The following BLM variants were observed in gnomAD, a reference collection of about 807,000 sequenced individuals.
The protein encoded by BLM is recQ-like DNA helicase BLM.
A neutral mutation model predicts 135.3 loss-of-function variants in BLM; 95 were observed. That is an observed-to-expected ratio of 0.70 (90% CI 0.59 to 0.83). The LOEUF (loss-of-function observed/expected upper bound fraction) is 0.83. Among genes scored for constraint, BLM ranks in the 40% least tolerant of loss-of-function variants. BLM has a pLI of 0.00. For missense variants in BLM, 1,518 were observed against 1,663.9 expected, an observed-to-expected ratio of 0.91 and a Z score of 1.53; for synonymous variants, 520 against 589.2, an observed-to-expected ratio of 0.88 and a Z score of 1.70.
At chr15:90,760,034 C>T (rs1391949919) in intron 5 of BLM, 113 bp from the exon 6 acceptor site, 1 of 1,014,826 alleles carries the variant, frequency 9.9e-7, no homozygotes, top group Non-Finnish European at 1.5e-6. Flanking sequence ...AAGCAATCCT[C>T]CTGCCTTGGC....
chr15:90,787,949 C>CAAAA (rs11355198), intron 14 of BLM, among the ~76,000 whole-genome samples: 1 of 136,260 alleles, frequency 7.3e-6, no homozygotes, highest in Non-Finnish European at 1.6e-5. Context: ...GACTCTATGT[C>CAAAA]AAAAAAAAAA....
At chr15:90,808,638 A>C (rs2270132) in intron 19 of BLM, 74,197 of 199,500 alleles carry the variant, frequency 0.37, 15,646 homozygotes, top group East Asian at 0.55. Flanking sequence ...GCCTCAACCC[A>C]CATGGGGAAA....
At chr15:90,782,392 A>C (rs453052) in intron 12 of BLM, among the ~76,000 whole-genome samples, 37,911 of 152,042 alleles carry the variant, frequency 0.25, 5,808 homozygotes, top group East Asian at 0.6. Context: ...TGTCTCAAAA[A>C]AAAACAAAAC....
Position 90,749,498 on chromosome 15 carries a change from T to G in BLM, c.230T>G (p.Leu77Arg), listed in dbSNP as rs1189540324. 2 of 1,614,168 alleles carry G rather than the reference T, an allele frequency of 1.2e-6. No individual in the cohort carries two copies. Among genetic ancestry groups the G allele is most frequent in the South Asian group, 2.2e-5 (2 of 91,084 alleles). Residue 77 changes from leucine to arginine, a missense_variant, in exon 3 of 22, where the codon CTA (leucine) becomes CGA (arginine). By Grantham distance (102) the Leu-to-Arg change is moderately radical. Transcript: ENST00000355112. ...GAAGACTTTTCCTTCAGTGAACCTC[T>G]ACCCAACACCACAAATCAGCAAAGG... ...VTEDFSFSEP[L>R]PNTTNQQRVK...
intron 21 of BLM, among the ~76,000 whole-genome samples, chr15:90,812,317 G>C (rs1359459714): frequency 1.3e-5 from 2 of 152,224 alleles, no homozygotes; most frequent in East Asian, 3.9e-4. Flanking sequence ...CCTCTTTAGG[G>C]GTTGCGTAAA....
intron 15 of BLM, among the ~76,000 whole-genome samples, chr15:90,793,011 G>T (rs1343051632): frequency 2.1e-5 from 3 of 141,576 alleles, no homozygotes; most frequent in African/African-American, 5.3e-5. Context: ...GGAGGCCGAG[G>T]CCAAAAAAAA....
intron 3 of BLM, among the ~76,000 whole-genome samples, chr15:90,750,447 C>T (rs544713577): frequency 2.6e-5 from 4 of 152,244 alleles, no homozygotes; most frequent in Admixed American, 6.5e-5. Context: ...TGCAATACCG[C>T]GACAGTCAAT....
In BLM at chr15:90,789,987, GTTTTTTTTTTTTT is replaced by G. The variant is rs61059865; in HGVS notation, c.2824-638_2824-626del. Among the ~76,000 whole-genome samples, 15 of 57,376 alleles carry G rather than the reference GTTTTTTTTTTTTT, an allele frequency of 2.6e-4. No individual in the cohort carries two copies. The East Asian group carries it at 3.5e-3, about 14-fold the overall frequency. The allele number at this position is 57,376 out of a possible 152,430, so 37.6% of individuals were successfully genotyped here. A position where few individuals can be genotyped will look rare whatever the true frequency, so the allele number is the denominator to read the frequency against. On this transcript the variant is annotated intron_variant, in intron 14 of 21. Transcript: ENST00000355112. Reference sequence around the variant, plus strand: ...AGGTCTAAGATCCGCAGTCCCTGGTGTTTTTTTTTTTTTTTTTTTTTTTTTTTTTTTTTTTTGG... The same window carrying G: ...AGGTCTAAGATCCGCAGTCCCTGGTGTTTTTTTTTTTTTTTTTTTTTTTGG...
intron 14 of BLM, among the ~76,000 whole-genome samples, chr15:90,786,484 A>T (rs1008062513): frequency 6.6e-6 from 1 of 152,106 alleles, no homozygotes; most frequent in African/African-American, 2.4e-5. Context: ...CTGCATTCTC[A>T]CCAGCAATGT....
rs1895942634 is a variant in BLM, at chr15:90,760,476, A to G, written c.1221-118A>G. On this transcript the variant is annotated intron_variant, in intron 6 of 21. Coordinates refer to ENST00000355112, the MANE Select transcript of BLM (RefSeq NM_000057.4). ...CGTATTCATGTTTTTAAGATTGGGA[A>G]AAAAGCGAATATATTTTGCTACAAT... 5 of 1,318,316 alleles carry G rather than the reference A, an allele frequency of 3.8e-6. No individual in the cohort carries two copies. The African/African-American group carries it at 4.4e-5, about 12-fold the overall frequency. The allele number at this position is 1,318,316 out of a possible 1,614,324, so 81.7% of individuals were successfully genotyped here. A position where few individuals can be genotyped will look rare whatever the true frequency, so the allele number is the denominator to read the frequency against.
intron 21 of BLM, among the ~76,000 whole-genome samples, chr15:90,814,439 C>T (rs1370278444): frequency 1.3e-5 from 2 of 152,146 alleles, no homozygotes; most frequent in African/African-American, 4.8e-5. Context: ...TCGGCTCTGG[C>T]GGCTTCTTCC....
In BLM at chr15:90,798,244, C is replaced by G. The variant is rs1406087403; in HGVS notation, c.3265C>G (p.Gln1089Glu). ...TGTGAAAAGTATTGTAAGATTTGTT[C>G]AAGAACATAGTTCATCACAAGGAAT... ...DDVKSIVRFVQEHSSSQGMRN... is the reference protein window; with the variant it reads ...DDVKSIVRFVEEHSSSQGMRN... The change falls in exon 17 of 22, where the codon CAA becomes GAA. Residue 1089 changes from glutamine (Q) to glutamate (E), a missense_variant. This residue lies in a region of BLM where 626 missense variants were observed against 681.1 expected (regional missense o/e 0.92). Transcript: ENST00000355112. 6.2e-7 allele frequency: 1 copy of G among 1,611,184 alleles called. No homozygotes were observed. The highest frequency in any genetic ancestry group is 2.2e-5 in the East Asian group (1 of 44,752).
At chr15:90,720,827 C>T (rs1280607296) in intron 1 of BLM, among the ~76,000 whole-genome samples, 2 of 152,120 alleles carry the variant, frequency 1.3e-5, no homozygotes, top group African/African-American at 2.4e-5. Flanking sequence ...CTCGTAGGCT[C>T]AAGCAGTTTG....
At chr15:90,797,414 C>CAAAAAAAAAAAAAA (rs56369282) in intron 16 of BLM, among the ~76,000 whole-genome samples, 11 of 109,604 alleles carry the variant, frequency 1.0e-4, no homozygotes, top group Non-Finnish European at 1.4e-4. Flanking sequence ...AACTCCATCT[C>CAAAAAAAAAAAAAA]AAAAAAAAAA....
intron 1 of BLM, among the ~76,000 whole-genome samples, chr15:90,722,195 C>A (rs542109578): frequency 2.0e-5 from 3 of 151,822 alleles, no homozygotes; most frequent in Non-Finnish European, 4.4e-5. Context: ...CTGAAAGCTC[C>A]GCCTCCCAGC....
At chr15:90,725,637 A>G (rs1596196817) in intron 1 of BLM, among the ~76,000 whole-genome samples, 1 of 149,694 alleles carries the variant, frequency 6.7e-6, no homozygotes, top group African/African-American at 2.5e-5. Context: ...AGTAGCTGGG[A>G]CTACAGGCGC....
In BLM at chr15:90,760,979, C is replaced by T; in HGVS notation, c.1606C>T (p.His536Tyr). 1 of 1,612,938 alleles carries T rather than the reference C, an allele frequency of 6.2e-7. No individual in the cohort carries two copies. Among genetic ancestry groups the T allele is most frequent in the Non-Finnish European group, 8.5e-7 (1 of 1,179,726 alleles). Reference sequence around the variant, plus strand: ...CACTGCTGTGAAAGATCAGAATAAACATACTGCTTCAATAAATGACTTAGA... The same window carrying T: ...CACTGCTGTGAAAGATCAGAATAAATATACTGCTTCAATAAATGACTTAGA... ...TSTAVKDQNKHTASINDLERE... is the reference protein window; with the variant it reads ...TSTAVKDQNKYTASINDLERE... The change falls in exon 7 of 22, where the codon CAT (histidine) becomes TAT (tyrosine). Residue 536 changes from histidine to tyrosine, a missense_variant. Physicochemically the swap from His to Tyr is moderately conservative, Grantham distance 83 (BLOSUM62 2). Transcript: ENST00000355112.
rs564234072 is a variant in BLM, at chr15:90,780,698, G to A, written c.2556-2124G>A. On this transcript the variant is annotated intron_variant, in intron 12 of 21. Transcript: ENST00000355112. Reference sequence around the variant, plus strand: ...GATTTGAATTTGCTGAGCACCAAGCGCTATGCTGTGTCCACATGAATGAAG... The same window carrying A: ...GATTTGAATTTGCTGAGCACCAAGCACTATGCTGTGTCCACATGAATGAAG... Among the ~76,000 whole-genome samples, 4 of 152,308 alleles carry A rather than the reference G, an allele frequency of 2.6e-5. 1 individual carries two copies. Among genetic ancestry groups the A allele is most frequent in the Middle Eastern group, 6.8e-3 (2 of 294 alleles).
intron 3 of BLM, 90 bp from the exon 4 acceptor site, chr15:90,751,697 C>A: frequency 8.9e-7 from 1 of 1,117,774 alleles, no homozygotes; most frequent in South Asian, 1.3e-5. Flanking sequence ...TGTGACTTGC[C>A]AGAAGCACTC....
Sources: gnomAD v4.1 joint callset for allele counts (sites outside exome capture counted in the v4.1 genomes callset) on GRCh38, gnomAD v4.1.1 for gene constraint, gnomAD v4.1.1 regional missense constraint, MANE v1.5 for transcripts, NCBI Gene and HGNC (gene_info 2026-07-23, HGNC 2026-07-21) for gene names.